Variants in TGFBR1 observed in about 807,000 individuals in gnomAD.
TGFBR1 encodes transforming growth factor beta receptor 1.
TGFBR1 carries 20 observed loss-of-function variants against 55.1 expected under a neutral mutation model. The ratio of observed to expected loss-of-function variants is 0.36; its 90% CI spans 0.26 to 0.53. TGFBR1 has a LOEUF of 0.53. Ranked by LOEUF, TGFBR1 falls within the 20% of genes least tolerant of loss-of-function variation. The probability of loss-of-function intolerance (pLI) is 0.91; values close to 1 mark genes in which losing one functional copy is unlikely to be tolerated. For synonymous variants in TGFBR1, 220 were observed against 214.8 expected, an observed-to-expected ratio of 1.02 and a Z score of -0.21; for missense variants, 385 against 617.6, an observed-to-expected ratio of 0.62 and a Z score of 3.99.
intron 1 of TGFBR1, among the ~76,000 whole-genome samples, chr9:99,109,739 C>T (rs1826510469): frequency 6.6e-6 from 1 of 152,146 alleles, no homozygotes; most frequent in Admixed American, 6.5e-5. Context: ...AACAGATGGA[C>T]TGTGGTTTGA....
chr9:99,135,671 C>T (rs1827414956), intron 3 of TGFBR1, among the ~76,000 whole-genome samples: 1 of 152,016 alleles, frequency 6.6e-6, no homozygotes, highest in African/African-American at 2.4e-5. Flanking sequence ...CTTATGAGCT[C>T]TTGTAATATA....
chr9:99,104,243 G>C (rs575764789), upstream of TGFBR1: 27 of 152,376 alleles, frequency 1.8e-4, no homozygotes, highest in African/African-American at 6.3e-4. Context: ...CTCCCCCTCC[G>C]CCCCGCGGGA....
chr9:99,129,156 G>A, intron 2 of TGFBR1, 56 bp downstream of exon 2: 1 of 1,583,308 alleles, frequency 6.3e-7, no homozygotes, highest in Non-Finnish European at 8.7e-7. Context: ...TTCATACTCT[G>A]TGATTTTAGA....
intron 1 of TGFBR1, among the ~76,000 whole-genome samples, chr9:99,123,512 TG>T (rs1164385159): frequency 6.6e-6 from 1 of 152,076 alleles, no homozygotes; most frequent in Non-Finnish European, 1.5e-5. Flanking sequence ...TTACTTAGCA[TG>T]GGGATAGTGG....
At chr9:99,110,340 T>A (rs1212290008) in intron 1 of TGFBR1, among the ~76,000 whole-genome samples, 1 of 152,172 alleles carries the variant, frequency 6.6e-6, no homozygotes, top group African/African-American at 2.4e-5. Flanking sequence ...CTCGTTTAAT[T>A]CTCTCTTCTC....
At chr9:99,140,233 G>A (rs1450149367) in intron 4 of TGFBR1, among the ~76,000 whole-genome samples, 2 of 152,090 alleles carry the variant, frequency 1.3e-5, no homozygotes, top group African/African-American at 2.4e-5. Context: ...GGTGGATCAC[G>A]AGGTCAAGAG....
chr9:99,116,375 A>C (rs966227802), intron 1 of TGFBR1, among the ~76,000 whole-genome samples: 1 of 152,200 alleles, frequency 6.6e-6, no homozygotes, highest in African/African-American at 2.4e-5. Flanking sequence ...TGTGCATTGC[A>C]AACAGATGGT....
intron 1 of TGFBR1, among the ~76,000 whole-genome samples, chr9:99,114,327 A>C (rs1038867398): frequency 1.3e-5 from 2 of 152,224 alleles, no homozygotes; most frequent in African/African-American, 2.4e-5. Flanking sequence ...CTTAGCTCTG[A>C]GTTTTCTGGT....
At chr9:99,105,111 G>A (rs200309220), upstream of TGFBR1, 6 of 971,860 alleles carry the variant, frequency 6.2e-6, no homozygotes, top group African/African-American at 1.7e-5. Context: ...CGAGGCCGCC[G>A]CGGCGGCTAG....
chr9:99,144,586 G>A lies in TGFBR1; in HGVS notation c.974-146G>A, dbSNP rs111730645. 177 of 824,936 alleles carry A rather than the reference G, an allele frequency of 2.1e-4. No homozygotes were observed. In the African/African-American group the frequency reaches 2.7e-3, roughly 12 times the overall value. The allele number at this position is 824,936 out of a possible 1,614,324, so 51.1% of individuals were successfully genotyped here. On this transcript the variant is annotated intron_variant, in intron 5 of 8. Coordinates refer to ENST00000374994, the MANE Select transcript of TGFBR1 (RefSeq NM_004612.4). ...ACTTTTGGTGTAGTGATTCACTTGA[G>A]TTTAATAATGCCGTAAGTATTGTAG...
chr9:99,143,817 A>G (rs1478299142), intron 5 of TGFBR1, among the ~76,000 whole-genome samples: 1 of 152,166 alleles, frequency 6.6e-6, no homozygotes, highest in African/African-American at 2.4e-5. Context: ...CTTTCCTCCC[A>G]AACTCCTTAG....
intron 1 of TGFBR1, among the ~76,000 whole-genome samples, chr9:99,111,810 CAT>C (rs1826591117): frequency 6.6e-6 from 1 of 152,148 alleles, no homozygotes; most frequent in Admixed American, 6.5e-5. Context: ...TAGTGATCAA[CAT>C]GATGAGAAAT....
At chr9:99,119,968 A>G (rs769760212) in intron 1 of TGFBR1, among the ~76,000 whole-genome samples, 15 of 152,340 alleles carry the variant, frequency 9.8e-5, no homozygotes, top group Middle Eastern at 6.8e-3. Flanking sequence ...ACTGGCACGT[A>G]ATAGGAGCTC....
chr9:99,108,939 T>C (rs1446979755), intron 1 of TGFBR1, among the ~76,000 whole-genome samples: 1 of 152,116 alleles, frequency 6.6e-6, no homozygotes, highest in East Asian at 1.9e-4. Context: ...AATTTACAGA[T>C]GAAAAAACGA....
intron 1 of TGFBR1, among the ~76,000 whole-genome samples, chr9:99,120,621 A>G (rs763669799): frequency 6.6e-6 from 1 of 152,122 alleles, no homozygotes; most frequent in Non-Finnish European, 1.5e-5. Context: ...TTCATTTATG[A>G]TTGTATAAGG....
At chr9:99,124,985 A>G (rs1363374397) in intron 1 of TGFBR1, among the ~76,000 whole-genome samples, 2 of 152,182 alleles carry the variant, frequency 1.3e-5, no homozygotes, top group Non-Finnish European at 2.9e-5. Context: ...CTATAAACCA[A>G]ATCTGCAAAT....
rs200529894 is a variant in TGFBR1, at chr9:99,151,397, G to GTT, written c.*2104_*2105dup. The stretch of plus-strand genomic sequence containing the variant: ...CTTTTTTTGTGGGGGTTTTTTTTTT[G>GTT]TTTTTTTTTTTTTGTTGTTGTTTTT... On this transcript the variant is annotated 3_prime_UTR_variant, in exon 9 of 9. Coordinates refer to ENST00000374994, the MANE Select transcript of TGFBR1 (RefSeq NM_004612.4). 4.8e-4 allele frequency: 78 copies of GTT among 163,092 alleles called. No individual in the cohort carries two copies. Among genetic ancestry groups the GTT allele is most frequent in the Non-Finnish European group, 6.2e-4 (53 of 85,194 alleles). The allele number at this position is 163,092 out of a possible 1,614,324, so 10.1% of individuals were successfully genotyped here. A position where few individuals can be genotyped will look rare whatever the true frequency, so the allele number is the denominator to read the frequency against.
chr9:99,149,399 C>G lies in TGFBR1; in HGVS notation c.*94C>G, dbSNP rs1326193657. ...ATTGTTCTACCTCACTGAGAGGGAA[C>G]AGAAGGATATTGCTTCCTTTTGCAG... On this transcript the variant is annotated 3_prime_UTR_variant, in exon 9 of 9. Transcript: ENST00000374994. 3.4e-5 allele frequency: 53 copies of G among 1,538,750 alleles called. No individual in the cohort carries two copies. The Admixed American group carries it at 8.7e-4, about 25-fold the overall frequency.
intron 7 of TGFBR1, 105 bp downstream of exon 7, chr9:99,146,714 A>G: frequency 3.9e-6 from 6 of 1,550,614 alleles, no homozygotes; most frequent in Non-Finnish European, 4.4e-6. Flanking sequence ...CATTATCTGA[A>G]ACAGGATGTC....
Sources: allele counts gnomAD v4.1 joint callset (sites outside exome capture counted in the v4.1 genomes callset), GRCh38; gene constraint gnomAD v4.1.1; transcripts MANE v1.5; gene names NCBI Gene and HGNC (gene_info 2026-07-23, HGNC 2026-07-21).